The following RASGRF2 variants were observed in gnomAD, a reference collection of about 807,000 sequenced individuals.
The protein encoded by RASGRF2 is ras-specific guanine nucleotide-releasing factor 2.
A neutral mutation model predicts 151.0 loss-of-function variants in RASGRF2; 76 were observed. The observed-to-expected ratio is 0.50, with a 90% CI of 0.42 to 0.61. The LOEUF (loss-of-function observed/expected upper bound fraction) is 0.61, where lower values mean the gene tolerates loss of function less well. Among genes scored for constraint, RASGRF2 ranks in the 20% least tolerant of loss-of-function variants. RASGRF2 has a pLI of 0.00. For synonymous variants in RASGRF2, 504 were observed against 566.5 expected (o/e 0.89, Z 1.57); for missense variants, 1,148 against 1,564.6 (o/e 0.73, Z 4.49).
chr5:81,183,761 G>A (rs1754967622), intron 18 of RASGRF2, among the ~76,000 whole-genome samples: 1 of 152,092 alleles, frequency 6.6e-6, no homozygotes, highest in African/African-American at 2.4e-5. Context: ...GCTCCTGTGG[G>A]GCCCCAAGCT....
intron 1 of RASGRF2, among the ~76,000 whole-genome samples, chr5:80,974,480 A>G (rs1272759595): frequency 1.2e-4 from 18 of 152,240 alleles, no homozygotes; most frequent in Admixed American, 1.2e-3. Context: ...CCAGGCATTT[A>G]GGAAATCTGT....
At chr5:81,073,807 C>T (rs570211309) in intron 5 of RASGRF2, among the ~76,000 whole-genome samples, 9 of 151,958 alleles carry the variant, frequency 5.9e-5, no homozygotes, top group South Asian at 4.1e-4. Flanking sequence ...TTAGTAGAGA[C>T]GGGGTTTCAC....
chr5:81,152,286 A>G (rs1389399846), intron 17 of RASGRF2, among the ~76,000 whole-genome samples: 2 of 152,136 alleles, frequency 1.3e-5, no homozygotes, highest in Non-Finnish European at 2.9e-5. Context: ...ACAGGCATGA[A>G]CCACTGCACC....
chr5:81,005,363 C>T (rs1352102319), intron 1 of RASGRF2, among the ~76,000 whole-genome samples: 8 of 152,004 alleles, frequency 5.3e-5, no homozygotes, highest in Non-Finnish European at 8.8e-5. Context: ...CTTATAAAAC[C>T]GTCGGATCTC....
At chr5:81,100,271 G>A (rs1049485135) in intron 12 of RASGRF2, among the ~76,000 whole-genome samples, 4 of 152,064 alleles carry the variant, frequency 2.6e-5, no homozygotes, top group African/African-American at 7.2e-5. Context: ...CTACTGTATT[G>A]TATTATACTA....
At chr5:81,089,943 G>A (rs79397144) in intron 9 of RASGRF2, among the ~76,000 whole-genome samples, 3 of 152,298 alleles carry the variant, frequency 2.0e-5, no homozygotes, top group African/African-American at 7.2e-5. Flanking sequence ...TGAATATTTA[G>A]TAGAAGATAA....
chr5:81,174,107 G>T (rs1754719740), intron 17 of RASGRF2, among the ~76,000 whole-genome samples: 1 of 152,170 alleles, frequency 6.6e-6, no homozygotes, highest in Admixed American at 6.5e-5. Flanking sequence ...GCTACCAAAA[G>T]TTCACAGAAT....
intron 23 of RASGRF2, among the ~76,000 whole-genome samples, chr5:81,215,126 G>T (rs553282818): frequency 3.3e-5 from 5 of 152,066 alleles, no homozygotes; most frequent in Non-Finnish European, 5.9e-5. Flanking sequence ...ATCACTCGAG[G>T]TCAGGAGTTT....
intron 15 of RASGRF2, among the ~76,000 whole-genome samples, chr5:81,123,074 T>G (rs558228247): frequency 1.3e-5 from 2 of 152,316 alleles, no homozygotes; most frequent in African/African-American, 4.8e-5. Flanking sequence ...CTCAATGTAG[T>G]GCAAGTGGGA....
intron 1 of RASGRF2, among the ~76,000 whole-genome samples, chr5:81,019,149 A>G (rs1360800026): frequency 8.2e-6 from 1 of 121,696 alleles, no homozygotes; most frequent in African/African-American, 3.0e-5. Context: ...ACTGGGATGG[A>G]TGGTCATGGC....
chr5:81,178,407 TA>T (rs1754832353), intron 17 of RASGRF2, among the ~76,000 whole-genome samples: 1 of 152,240 alleles, frequency 6.6e-6, no homozygotes, highest in African/African-American at 2.4e-5. Context: ...TTTATTTATT[TA>T]TTTTTTGGAC....
intron 18 of RASGRF2, among the ~76,000 whole-genome samples, chr5:81,198,075 C>CT (rs1449120104): frequency 2.7e-5 from 4 of 150,814 alleles, no homozygotes; most frequent in African/African-American, 9.8e-5. Flanking sequence ...AACGTGTATT[C>CT]TCTCTCTCTC....
chr5:81,109,645 A>G (rs978824238), intron 13 of RASGRF2, among the ~76,000 whole-genome samples: 1 of 152,018 alleles, frequency 6.6e-6, no homozygotes, highest in Non-Finnish European at 1.5e-5. Context: ...CAGCCTGGAC[A>G]ACAGTGCAAG....
intron 22 of RASGRF2, 96 bp downstream of exon 22, chr5:81,208,534 CTTT>C (rs71000806): frequency 1.1e-3 from 285 of 251,418 alleles, no homozygotes; most frequent in African/African-American, 2.1e-3. Context: ...CTGTCACCCA[CTTT>C]TTTTTTTTTT....
intron 16 of RASGRF2, among the ~76,000 whole-genome samples, chr5:81,126,718 T>C (rs1352309205): frequency 6.6e-6 from 1 of 152,246 alleles, no homozygotes; most frequent in South Asian, 2.1e-4. Flanking sequence ...AGTTTATCCA[T>C]GTTCTAGCAT....
At chr5:80,984,251 G>A (rs748113453) in intron 1 of RASGRF2, among the ~76,000 whole-genome samples, 9 of 152,122 alleles carry the variant, frequency 5.9e-5, no homozygotes, top group Non-Finnish European at 7.4e-5. Flanking sequence ...ATGGGGTTTT[G>A]CCATGTTGGC....
rs1354541680 is a variant in RASGRF2, at chr5:81,206,865, A to G, written c.2927A>G (p.Gln976Arg). 6.2e-7 allele frequency: 1 copy of G among 1,610,974 alleles called. No individual in the cohort carries two copies. The highest frequency in any genetic ancestry group is 8.5e-7 in the Non-Finnish European group (1 of 1,177,162). Residue 976 changes from glutamine (Q) to arginine (R), a missense_variant, in exon 20 of 27, where the codon CAA becomes CGA. Around this residue, in one of 5 missense-constraint regions of RASGRF2, gnomAD observed 646 missense variants for 807.4 expected, o/e 0.80. Transcript: ENST00000265080. The stretch of plus-strand genomic sequence containing the variant: ...TTCAGGGCCCTTTCACAAGATGACC[A>G]AGATGACATCCACCTAAAATTAGAG... Reference protein sequence around the residue: ...NILRALSQDDQDDIHLKLEDI... With the variant: ...NILRALSQDDRDDIHLKLEDI...
chr5:80,973,578 A>AG (rs1157995172), intron 1 of RASGRF2, among the ~76,000 whole-genome samples: 1 of 152,232 alleles, frequency 6.6e-6, no homozygotes, highest in African/African-American at 2.4e-5. Flanking sequence ...TGCTACTTGG[A>AG]GGGCGAGCCA....
At chr5:81,036,625 C>G (rs1750504334) in intron 1 of RASGRF2, among the ~76,000 whole-genome samples, 1 of 152,014 alleles carries the variant, frequency 6.6e-6, no homozygotes, top group Non-Finnish European at 1.5e-5. Flanking sequence ...AATTTTTTCA[C>G]CAAATACTTA....
Sources: gnomAD v4.1 joint callset for allele counts (sites outside exome capture counted in the v4.1 genomes callset) on GRCh38, gnomAD v4.1.1 for gene constraint, gnomAD v4.1.1 regional missense constraint, MANE v1.5 for transcripts, NCBI Gene and HGNC (gene_info 2026-07-23, HGNC 2026-07-21) for gene names.